The following TENM3 variants were observed in gnomAD, a reference collection of about 807,000 sequenced individuals.
TENM3 encodes the protein teneurin transmembrane protein 3.
In TENM3, 63 loss-of-function variants were observed where a neutral mutation model predicts 255.1. The observed-to-expected ratio is 0.25, with a 90% CI of 0.20 to 0.30. The LOEUF (loss-of-function observed/expected upper bound fraction) is 0.30. Among genes scored for constraint, TENM3 ranks in the 10% least tolerant of loss-of-function variants. The pLI, the probability that TENM3 is intolerant of heterozygous loss-of-function variation, is 1.00. For synonymous variants in TENM3, 1,306 were observed against 1,322.3 expected, an observed-to-expected ratio of 0.99 and a Z score of 0.27; for missense variants, 2,929 against 3,461.1, an observed-to-expected ratio of 0.85 and a Z score of 3.86.
the TENM3 span, among the ~76,000 whole-genome samples, chr4:181,649,389 G>A: frequency 6.6e-6 from 1 of 152,186 alleles, no homozygotes; most frequent in Non-Finnish European, 1.5e-5. Flanking sequence ...CATATTTGAT[G>A]AAGGCTTCTT....
chr4:182,330,087 G>A (rs1283749106), intron 2 of TENM3, among the ~76,000 whole-genome samples: 2 of 151,992 alleles, frequency 1.3e-5, no homozygotes, highest in African/African-American at 4.8e-5. Context: ...TGCAACCCAG[G>A]GATCTTATTT....
At chr4:181,762,505 C>T in the TENM3 span, among the ~76,000 whole-genome samples, 1 of 152,076 alleles carries the variant, frequency 6.6e-6, no homozygotes, top group Non-Finnish European at 1.5e-5. Context: ...ATCATAGTGG[C>T]AGTTGATTTG....
At chr4:181,692,453 T>C in the TENM3 span, among the ~76,000 whole-genome samples, 1 of 152,214 alleles carries the variant, frequency 6.6e-6, no homozygotes, top group Non-Finnish European at 1.5e-5. Flanking sequence ...TTCAAAGTTC[T>C]AACAAGATGC....
At chr4:182,291,785 G>A (rs944888206) in intron 1 of TENM3, among the ~76,000 whole-genome samples, 3 of 152,168 alleles carry the variant, frequency 2.0e-5, no homozygotes, top group Non-Finnish European at 4.4e-5. Flanking sequence ...AGCACGGGCT[G>A]CAGAGACACC....
At chr4:182,513,392 A>G (rs1038367391) in intron 3 of TENM3, among the ~76,000 whole-genome samples, 1 of 152,166 alleles carries the variant, frequency 6.6e-6, no homozygotes, top group Admixed American at 6.5e-5. Flanking sequence ...AGTTTGATAT[A>G]TTAGTGATAG....
At chr4:181,630,028 C>T in the TENM3 span, among the ~76,000 whole-genome samples, 1 of 152,160 alleles carries the variant, frequency 6.6e-6, no homozygotes, top group Non-Finnish European at 1.5e-5. Flanking sequence ...TGTTATTGGT[C>T]TATTCAGAGA....
chr4:182,295,486 C>T (rs1761427349), intron 1 of TENM3, among the ~76,000 whole-genome samples: 1 of 151,934 alleles, frequency 6.6e-6, no homozygotes, highest in Non-Finnish European at 1.5e-5. Context: ...CTAGGCTGGT[C>T]TCAAACTCCT....
At chr4:181,698,831 C>G in the TENM3 span, among the ~76,000 whole-genome samples, 2 of 152,122 alleles carry the variant, frequency 1.3e-5, no homozygotes, top group African/African-American at 4.8e-5. Context: ...TCATTTAATG[C>G]AAAATTGTAC....
At chr4:181,695,061 A>G in the TENM3 span, among the ~76,000 whole-genome samples, 3 of 152,190 alleles carry the variant, frequency 2.0e-5, no homozygotes, top group African/African-American at 7.2e-5. Flanking sequence ...TGGGAAATAT[A>G]AAGTATGATA....
chr4:182,772,768 A>G (rs1472046388), intron 22 of TENM3, among the ~76,000 whole-genome samples: 2 of 152,174 alleles, frequency 1.3e-5, no homozygotes, highest in South Asian at 2.1e-4. Flanking sequence ...GTGTAAAAAA[A>G]AAACAAATAA....
the TENM3 span, among the ~76,000 whole-genome samples, chr4:181,929,013 A>G: frequency 2.6e-5 from 4 of 152,198 alleles, no homozygotes; most frequent in Non-Finnish European, 5.9e-5. Context: ...CTACCTTACA[A>G]GAGCTCCTGA....
At chr4:181,581,008 G>A in the TENM3 span, among the ~76,000 whole-genome samples, 6 of 152,116 alleles carry the variant, frequency 3.9e-5, no homozygotes, top group Non-Finnish European at 8.8e-5. Context: ...AAAGCCCAGG[G>A]CATACAACCA....
intron 1 of TENM3, among the ~76,000 whole-genome samples, chr4:182,164,854 G>A (rs1192166921): frequency 6.6e-6 from 1 of 152,078 alleles, no homozygotes; most frequent in Non-Finnish European, 1.5e-5. Context: ...TTTCCCTCAA[G>A]GATTTTAACC....
chr4:181,557,520 A>G, the TENM3 span, among the ~76,000 whole-genome samples: 2 of 152,138 alleles, frequency 1.3e-5, no homozygotes, highest in East Asian at 1.9e-4. Flanking sequence ...ACGTCTCCAT[A>G]TATTTCTTTT....
the TENM3 span, among the ~76,000 whole-genome samples, chr4:181,542,478 A>G: frequency 6.6e-6 from 1 of 152,206 alleles, no homozygotes; most frequent in Non-Finnish European, 1.5e-5. Context: ...AATGAATTGT[A>G]GGAGAAGTAA....
chr4:182,407,280 T>A (rs550305547), intron 3 of TENM3, among the ~76,000 whole-genome samples: 119 of 152,338 alleles, frequency 7.8e-4, no homozygotes, highest in Non-Finnish European at 1.4e-3. Context: ...TACTTCTAGG[T>A]TGCATCTTAC....
At chr4:181,955,156 G>A in the TENM3 span, among the ~76,000 whole-genome samples, 1 of 152,184 alleles carries the variant, frequency 6.6e-6, no homozygotes. Context: ...TTAAACTCAC[G>A]AAGCTGTAGC....
the TENM3 span, among the ~76,000 whole-genome samples, chr4:182,049,156 GATCTACCT>G: frequency 6.6e-6 from 1 of 152,086 alleles, no homozygotes; most frequent in Non-Finnish European, 1.5e-5. Context: ...TCCAGCTATA[GATCTACCT>G]ATCACCCTTT....
chr4:181,985,290 T>C, the TENM3 span, among the ~76,000 whole-genome samples: 1 of 151,702 alleles, frequency 6.6e-6, no homozygotes, highest in Non-Finnish European at 1.5e-5. Context: ...CAGGCTTTAT[T>C]GTAGCAAATC....
Sources: allele counts gnomAD v4.1 joint callset (sites outside exome capture counted in the v4.1 genomes callset), GRCh38; gene constraint gnomAD v4.1.1; transcripts MANE v1.5; gene names NCBI Gene and HGNC (gene_info 2026-07-23, HGNC 2026-07-21).